PPFIA2: variants seen among roughly 807,000 people sequenced by gnomAD.
The protein encoded by PPFIA2 is liprin-alpha-2.
A neutral mutation model predicts 175.5 loss-of-function variants in PPFIA2; 46 were observed. That is an observed-to-expected ratio of 0.26 (90% CI 0.21 to 0.34). The LOEUF is 0.34. Among genes scored for constraint, PPFIA2 ranks in the 10% least tolerant of loss-of-function variants. PPFIA2 has a pLI of 1.00. For missense variants in PPFIA2, 1,179 were observed against 1,506.1 expected (o/e 0.78, Z 3.60); for synonymous variants, 568 against 511.4 (o/e 1.11, Z -1.49).
chr12:81,541,225 T>C (rs961578271), intron 4 of PPFIA2, among the ~76,000 whole-genome samples: 1 of 152,126 alleles, frequency 6.6e-6, no homozygotes, highest in African/African-American at 2.4e-5. Context: ...TTCCACATTT[T>C]TCCCCATATT....
At chr12:81,656,307 A>C (rs2067783509) in intron 4 of PPFIA2, among the ~76,000 whole-genome samples, 1 of 152,108 alleles carries the variant, frequency 6.6e-6, no homozygotes, top group Non-Finnish European at 1.5e-5. Context: ...AATTTCTTAC[A>C]TGCTTTTGTT....
chr12:81,413,223 T>C (rs942292439), intron 7 of PPFIA2, among the ~76,000 whole-genome samples: 2 of 151,606 alleles, frequency 1.3e-5, no homozygotes, highest in African/African-American at 4.8e-5. Context: ...GGAGGCACTC[T>C]AGAAATATTT....
chr12:81,445,432 A>G lies in PPFIA2; in HGVS notation c.570+124T>C, dbSNP rs142710942. 102 of 831,530 alleles carry G rather than the reference A, an allele frequency of 1.2e-4. No homozygotes were observed. The African/African-American group carries it at 1.5e-3, about 13-fold the overall frequency. The allele number at this position is 831,530 out of a possible 1,614,324, so 51.5% of individuals were successfully genotyped here. ...TCACTTTTAAAAAATGATTTTTCATATAACTCAAAAGTGTTCCTCAACTGA... is the reference window on the plus strand; with the variant it reads ...TCACTTTTAAAAAATGATTTTTCATGTAACTCAAAAGTGTTCCTCAACTGA... On this transcript the variant is annotated intron_variant, in intron 6 of 32. Coordinates refer to ENST00000549396, the MANE Select transcript of PPFIA2 (RefSeq NM_003625.5).
rs529986877 is a variant in PPFIA2, at chr12:81,754,201, G to A, written c.21C>T (p.Pro7=). Residue 7 remains proline, a synonymous_variant, in exon 3 of 33, where the codon CCC becomes CCT. Transcript: ENST00000549396. ...TCATTGGGGTGTCCTCATTAATCGT[G>A]GGCATCACTTCACACATCATTGCTT... MMCEVM[P]TINEDTPMSQ... 1.2e-6 allele frequency: 2 copies of A among 1,606,034 alleles called. No homozygotes were observed. The highest frequency in any genetic ancestry group is 2.2e-5 in the South Asian group (2 of 89,582).
intron 17 of PPFIA2, among the ~76,000 whole-genome samples, chr12:81,348,415 G>A (rs558297322): frequency 1.3e-5 from 2 of 152,060 alleles, no homozygotes; most frequent in Non-Finnish European, 2.9e-5. Flanking sequence ...GATAGATGAT[G>A]AATACATAAA....
chr12:81,263,425 C>T, intron 30 of PPFIA2, 35 bp from the exon 31 acceptor site: 1 of 1,570,160 alleles, frequency 6.4e-7, no homozygotes, highest in Non-Finnish European at 8.8e-7. Context: ...GTTATGAAAA[C>T]AAGTAAACTA....
chr12:81,647,327 G>A (rs1419095821), intron 4 of PPFIA2, among the ~76,000 whole-genome samples: 1 of 151,976 alleles, frequency 6.6e-6, no homozygotes, highest in African/African-American at 2.4e-5. Context: ...AAAGCTGTAA[G>A]ACAGTATCAA....
intron 7 of PPFIA2, among the ~76,000 whole-genome samples, chr12:81,418,989 A>T (rs969177333): frequency 6.6e-6 from 1 of 152,018 alleles, no homozygotes; most frequent in Non-Finnish European, 1.5e-5. Context: ...TTGAATGTCA[A>T]TTGCATTTTC....
At chr12:81,753,836 C>T in intron 3 of PPFIA2, 137 bp downstream of exon 3, 1 of 1,086,094 alleles carries the variant, frequency 9.2e-7, no homozygotes, top group Non-Finnish European at 1.3e-6. Flanking sequence ...AACTAATCAT[C>T]TATTCCTAAG....
At chr12:81,318,843 T>C (rs1328929776) in intron 22 of PPFIA2, among the ~76,000 whole-genome samples, 1 of 151,700 alleles carries the variant, frequency 6.6e-6, no homozygotes, top group Non-Finnish European at 1.5e-5. Context: ...TTAGTTTTCA[T>C]GTCCATCTCT....
intron 4 of PPFIA2, among the ~76,000 whole-genome samples, chr12:81,567,729 C>T (rs1332846681): frequency 6.6e-6 from 1 of 152,152 alleles, no homozygotes; most frequent in Non-Finnish European, 1.5e-5. Context: ...AATTTGGGAC[C>T]CTCCCATTCC....
intron 7 of PPFIA2, among the ~76,000 whole-genome samples, chr12:81,428,680 T>C (rs1171653169): frequency 6.6e-6 from 1 of 152,042 alleles, no homozygotes; most frequent in Non-Finnish European, 1.5e-5. Context: ...CTGAAACTTT[T>C]AGTTTACCAA....
intron 24 of PPFIA2, among the ~76,000 whole-genome samples, chr12:81,286,289 T>G (rs1185195046): frequency 6.6e-6 from 1 of 151,992 alleles, no homozygotes; most frequent in African/African-American, 2.4e-5. Flanking sequence ...AATAAAAAGG[T>G]TTTTTTATGA....
chr12:81,511,324 A>G (rs1343051444), intron 4 of PPFIA2, among the ~76,000 whole-genome samples: 1 of 152,124 alleles, frequency 6.6e-6, no homozygotes, highest in East Asian at 1.9e-4. Context: ...GTCAATTAGC[A>G]CAAACTTTTG....
intron 4 of PPFIA2, among the ~76,000 whole-genome samples, chr12:81,586,887 T>C (rs2075373819): frequency 2.0e-5 from 3 of 151,946 alleles, no homozygotes; most frequent in African/African-American, 7.2e-5. Flanking sequence ...TATGCTATTA[T>C]TTAAAAAGTA....
At chr12:81,550,886 G>A (rs1005287901) in intron 4 of PPFIA2, among the ~76,000 whole-genome samples, 53 of 151,934 alleles carry the variant, frequency 3.5e-4, no homozygotes, top group African/African-American at 1.1e-3. Context: ...GGTCTCAGAA[G>A]GAAATTGGAA....
chr12:81,320,644 A>T (rs2053457499), intron 22 of PPFIA2, among the ~76,000 whole-genome samples: 1 of 151,958 alleles, frequency 6.6e-6, no homozygotes, highest in Non-Finnish European at 1.5e-5. Flanking sequence ...ATGCTTTACT[A>T]AAAAAATTAT....
chr12:81,458,673 T>C (rs954025877), intron 4 of PPFIA2, among the ~76,000 whole-genome samples: 1 of 152,184 alleles, frequency 6.6e-6, no homozygotes, highest in Non-Finnish European at 1.5e-5. Flanking sequence ...TCATATGATA[T>C]GGTATTTTTA....
chr12:81,695,270 T>A (rs1263129835), intron 3 of PPFIA2, among the ~76,000 whole-genome samples: 2 of 152,150 alleles, frequency 1.3e-5, no homozygotes, highest in East Asian at 3.9e-4. Flanking sequence ...ACCCTACTTT[T>A]ATGTGGAATT....
Sources: allele counts gnomAD v4.1 joint callset (sites outside exome capture counted in the v4.1 genomes callset), GRCh38; gene constraint gnomAD v4.1.1; transcripts MANE v1.5; gene names NCBI Gene and HGNC (gene_info 2026-07-23, HGNC 2026-07-21).